Variants in GPC6 observed in about 807,000 individuals in gnomAD.
The protein encoded by GPC6 is glypican 6, also known as glypican-6.
In GPC6, 14 loss-of-function variants were observed where a neutral mutation model predicts 55.2. That is an observed-to-expected ratio of 0.25 (90% CI 0.17 to 0.40). GPC6 has a LOEUF of 0.40. Ranked by LOEUF, GPC6 falls within the 10% of genes least tolerant of loss-of-function variation. GPC6 has a pLI of 1.00. For synonymous variants in GPC6, 278 were observed against 259.6 expected (o/e 1.07, Z -0.68); for missense variants, 641 against 708.5 (o/e 0.90, Z 1.08).
chr13:94,144,661 A>G (rs1887500450), intron 4 of GPC6, among the ~76,000 whole-genome samples: 1 of 152,048 alleles, frequency 6.6e-6, no homozygotes, highest in South Asian at 2.1e-4. Flanking sequence ...CTTGTCTAAA[A>G]TACCTGTTCC....
At chr13:93,423,927 C>A (rs1044083831) in intron 1 of GPC6, among the ~76,000 whole-genome samples, 4 of 152,094 alleles carry the variant, frequency 2.6e-5, no homozygotes, top group African/African-American at 9.7e-5. Flanking sequence ...CTGTGACCAC[C>A]GAGACACTTG....
At chr13:93,455,860 T>G (rs1308320428) in intron 1 of GPC6, among the ~76,000 whole-genome samples, 1 of 152,194 alleles carries the variant, frequency 6.6e-6, no homozygotes, top group Non-Finnish European at 1.5e-5. Flanking sequence ...ATATCAAGCA[T>G]CTACCGCTTT....
At chr13:93,640,831 T>TTTTC (rs1879902106) in intron 2 of GPC6, among the ~76,000 whole-genome samples, 1 of 36,674 alleles carries the variant, frequency 2.7e-5, no homozygotes, top group Non-Finnish European at 1.3e-4. Context: ...TTCCTTCCTT[T>TTTTC]GTTCCTTCCT....
At chr13:93,715,052 G>A (rs1021464464) in intron 2 of GPC6, among the ~76,000 whole-genome samples, 2 of 151,580 alleles carry the variant, frequency 1.3e-5, no homozygotes, top group Non-Finnish European at 3.0e-5. Context: ...GGTTTAGGCT[G>A]ATTTCTTTAC....
intron 1 of GPC6, chr13:93,395,884 G>A (rs970298289): frequency 6.6e-6 from 1 of 152,258 alleles, no homozygotes; most frequent in Non-Finnish European, 1.5e-5. Flanking sequence ...AGCCATTAGG[G>A]AATTTTAGAT....
chr13:93,957,735 A>G (rs1469838879), intron 3 of GPC6, among the ~76,000 whole-genome samples: 1 of 152,218 alleles, frequency 6.6e-6, no homozygotes, highest in Non-Finnish European at 1.5e-5. Context: ...TTGAGTATAT[A>G]CACAGTCATG....
intron 6 of GPC6, among the ~76,000 whole-genome samples, chr13:94,309,783 G>T (rs1876144748): frequency 6.8e-6 from 1 of 147,612 alleles, no homozygotes; most frequent in Admixed American, 7.0e-5. Flanking sequence ...ATCAACTGCA[G>T]TAATTCAGTT....
chr13:93,822,609 C>G (rs868245510), intron 2 of GPC6, among the ~76,000 whole-genome samples: 155 of 151,540 alleles, frequency 1.0e-3, no homozygotes, highest in African/African-American at 3.6e-3. Context: ...CCCCCACCCC[C>G]CAACAAGCCC....
At chr13:94,257,223 A>G (rs1891533560) in intron 4 of GPC6, among the ~76,000 whole-genome samples, 1 of 152,218 alleles carries the variant, frequency 6.6e-6, no homozygotes, top group Non-Finnish European at 1.5e-5. Flanking sequence ...CAAAAAATCA[A>G]CACATAACAT....
At chr13:93,412,095 C>T (rs917240426) in intron 1 of GPC6, among the ~76,000 whole-genome samples, 1 of 151,962 alleles carries the variant, frequency 6.6e-6, no homozygotes, top group African/African-American at 2.4e-5. Flanking sequence ...TGCATCAACA[C>T]CACTTTAATA....
intron 5 of GPC6, among the ~76,000 whole-genome samples, chr13:94,297,980 A>C (rs1875435087): frequency 6.6e-6 from 1 of 152,192 alleles, no homozygotes; most frequent in South Asian, 2.1e-4. Context: ...TTATTCTAAG[A>C]TCTAAGGATG....
chr13:93,917,545 G>T (rs534765237), intron 3 of GPC6, among the ~76,000 whole-genome samples: 1 of 152,240 alleles, frequency 6.6e-6, no homozygotes, highest in Non-Finnish European at 1.5e-5. Context: ...GCTGAGTTTA[G>T]TGAAGAAATG....
At chr13:93,780,722 A>G (rs1165057410) in intron 2 of GPC6, among the ~76,000 whole-genome samples, 3 of 152,172 alleles carry the variant, frequency 2.0e-5, no homozygotes, top group Admixed American at 6.5e-5. Flanking sequence ...AAGTCATAGA[A>G]TGATTCAACA....
intron 2 of GPC6, among the ~76,000 whole-genome samples, chr13:93,661,958 G>T (rs1223463598): frequency 6.6e-6 from 1 of 152,150 alleles, no homozygotes; most frequent in Non-Finnish European, 1.5e-5. Flanking sequence ...GAGTAGCCAT[G>T]ACTAGTTACT....
At chr13:94,286,848 T>A (rs747987976) in intron 5 of GPC6, among the ~76,000 whole-genome samples, 10 of 152,176 alleles carry the variant, frequency 6.6e-5, no homozygotes, top group Non-Finnish European at 1.5e-4. Context: ...AACTTCTAAT[T>A]ATATCTTCAG....
At chr13:94,263,426 A>T (rs1304747480) in intron 4 of GPC6, among the ~76,000 whole-genome samples, 1 of 152,246 alleles carries the variant, frequency 6.6e-6, no homozygotes, top group Non-Finnish European at 1.5e-5. Context: ...ATTAAAAGGA[A>T]TGGTGACAGA....
At chr13:93,362,052 C>G (rs1180487269) in intron 1 of GPC6, among the ~76,000 whole-genome samples, 2 of 152,186 alleles carry the variant, frequency 1.3e-5, no homozygotes, top group Non-Finnish European at 2.9e-5. Flanking sequence ...TAAGGTAACT[C>G]TTTCATAATC....
At chr13:93,359,240 A>T (rs771126734) in intron 1 of GPC6, among the ~76,000 whole-genome samples, 8 of 152,170 alleles carry the variant, frequency 5.3e-5, no homozygotes, top group Non-Finnish European at 1.2e-4. Context: ...TGCCAGGATT[A>T]CAGGCATGAG....
chr13:93,418,539 C>T (rs996143737), intron 1 of GPC6, among the ~76,000 whole-genome samples: 13 of 151,206 alleles, frequency 8.6e-5, no homozygotes, highest in African/African-American at 3.2e-4. Context: ...TTATTAATAG[C>T]ACTGTACTGT....
Sources: gnomAD v4.1 joint callset for allele counts (sites outside exome capture counted in the v4.1 genomes callset) on GRCh38, gnomAD v4.1.1 for gene constraint, MANE v1.5 for transcripts, NCBI Gene and HGNC (gene_info 2026-07-23, HGNC 2026-07-21) for gene names.